Variants in RNF8 observed in about 807,000 individuals in gnomAD.
RNF8 encodes E3 ubiquitin-protein ligase RNF8.
RNF8 carries 8 observed loss-of-function variants against 59.3 expected under a neutral mutation model. That is an observed-to-expected ratio of 0.13 (90% CI 0.08 to 0.24). The LOEUF (loss-of-function observed/expected upper bound fraction) is 0.24, where lower values mean the gene tolerates loss of function less well. Ranked by LOEUF, RNF8 falls within the 10% of genes least tolerant of loss-of-function variation. The pLI, the probability that RNF8 is intolerant of heterozygous loss-of-function variation, is 1.00. For missense variants in RNF8, 406 were observed against 572.6 expected, an observed-to-expected ratio of 0.71 and a Z score of 2.97; for synonymous variants, 162 against 200.0, an observed-to-expected ratio of 0.81 and a Z score of 1.60.
chr6:37,376,164 G>C (rs963489441), intron 5 of RNF8, among the ~76,000 whole-genome samples: 38 of 152,156 alleles, frequency 2.5e-4, no homozygotes, highest in African/African-American at 8.9e-4. Flanking sequence ...CTTGTCCAGT[G>C]AGTTTTTAAT....
intron 6 of RNF8, among the ~76,000 whole-genome samples, chr6:37,379,568 A>G (rs1770167508): frequency 6.6e-6 from 1 of 152,196 alleles, no homozygotes; most frequent in Non-Finnish European, 1.5e-5. Flanking sequence ...TCAGGCAGAA[A>G]TTGACCAGAG....
chr6:37,366,201 T>G (rs1322892523), intron 2 of RNF8, among the ~76,000 whole-genome samples: 1 of 152,212 alleles, frequency 6.6e-6, no homozygotes, highest in East Asian at 1.9e-4. Flanking sequence ...CTGTGGGCTG[T>G]TTCTGTAATC....
chr6:37,385,741 A>G (rs748979657), intron 7 of RNF8, among the ~76,000 whole-genome samples: 1 of 152,088 alleles, frequency 6.6e-6, no homozygotes, highest in Non-Finnish European at 1.5e-5. Context: ...TAATTTCTCT[A>G]TCACCACTTC....
In RNF8 at chr6:37,377,041, TG is replaced by T; in HGVS notation, c.1236+9del. ...TCAGAATACTTCATTGAGGTAATTA[TG>T]AACAGTTGCTCACCCCTTCTTTTTT... On this transcript the variant is annotated intron_variant, in intron 6 of 7. Transcript: ENST00000373479. The T allele has an allele frequency of 7.6e-7, 1 of 1,314,524 alleles. No homozygotes were observed. Among genetic ancestry groups the T allele is most frequent in the Non-Finnish European group, 1.1e-6 (1 of 914,124 alleles). The allele number at this position is 1,314,524 out of a possible 1,614,324, so 81.4% of individuals were successfully genotyped here. A position where few individuals can be genotyped will look rare whatever the true frequency, so the allele number is the denominator to read the frequency against.
At chr6:37,377,562 G>A (rs1282283618) in intron 6 of RNF8, among the ~76,000 whole-genome samples, 2 of 151,816 alleles carry the variant, frequency 1.3e-5, no homozygotes, top group Admixed American at 6.6e-5. Flanking sequence ...TCCTTTTTTG[G>A]CATTTCATCT....
chr6:37,380,597 G>A (rs1770213181), intron 6 of RNF8, among the ~76,000 whole-genome samples: 1 of 150,628 alleles, frequency 6.6e-6, no homozygotes, highest in Non-Finnish European at 1.5e-5. Context: ...CGTGAACCCA[G>A]GAGGCGGAGT....
Position 37,369,081 on chromosome 6 carries a change from G to A in RNF8, c.838G>A (p.Gly280Arg). Reference protein sequence around the residue: ...VMNVKKQTQKGNSKKVVQMEQ... With the variant: ...VMNVKKQTQKRNSKKVVQMEQ... ...GAATGTGAAAAAGCAGACCCAAAAGGGGAACTCAAAGAAAGTTGTGCAAAT... is the reference window on the plus strand; with the variant it reads ...GAATGTGAAAAAGCAGACCCAAAAGAGGAACTCAAAGAAAGTTGTGCAAAT... Residue 280 changes from glycine (G) to arginine (R), a missense_variant, in exon 3 of 8, where the codon GGG (glycine) becomes AGG (arginine). Gly to Arg is a moderately radical substitution (Grantham distance 125, BLOSUM62 -2). Coordinates refer to ENST00000373479, the MANE Select transcript of RNF8 (RefSeq NM_003958.4). 6.2e-7 allele frequency: 1 copy of A among 1,614,178 alleles called. No individual in the cohort carries two copies. Among genetic ancestry groups the A allele is most frequent in the Non-Finnish European group, 8.5e-7 (1 of 1,180,032 alleles).
Position 37,354,370 on chromosome 6 carries a change from G to A in RNF8, c.111+95G>A. Reference sequence around the variant, plus strand: ...AGGTGTCTTGCTGGGCTGAATGAATGGCAGAGAGGAGGCGGGCATCAGGAA... The same window carrying A: ...AGGTGTCTTGCTGGGCTGAATGAATAGCAGAGAGGAGGCGGGCATCAGGAA... On this transcript the variant is annotated intron_variant, in intron 1 of 7. Transcript: ENST00000373479. 3 of 969,270 alleles carry A rather than the reference G, an allele frequency of 3.1e-6. 1 individual carries two copies. Among genetic ancestry groups the A allele is most frequent in the South Asian group, 3.3e-5 (2 of 60,178 alleles). 60.0% of individuals were successfully genotyped at this position (969,270 alleles called of 1,614,324 possible).
At chr6:37,354,888 C>T (rs1769055410) in intron 1 of RNF8, among the ~76,000 whole-genome samples, 1 of 152,176 alleles carries the variant, frequency 6.6e-6, no homozygotes. Flanking sequence ...TGGGTTTTGT[C>T]CCTTAAAGCA....
In RNF8 at chr6:37,393,648, T is replaced by C. The variant is rs1427712539; in HGVS notation, c.*2890T>C. 6.6e-6 allele frequency: 1 copy of C among 152,216 alleles called. No homozygotes were observed. The highest frequency in any genetic ancestry group is 1.5e-5 in the Non-Finnish European group (1 of 68,048). 9.4% of individuals were successfully genotyped at this position (152,216 alleles called of 1,614,324 possible). On this transcript the variant is annotated 3_prime_UTR_variant, in exon 8 of 8. Coordinates refer to ENST00000373479, the MANE Select transcript of RNF8 (RefSeq NM_003958.4). ...GAAGCACTTTGCAGTGAATGGCAGG[T>C]GTCCCATATCTGGTTATGTTAACCT...
intron 7 of RNF8, among the ~76,000 whole-genome samples, chr6:37,386,536 A>G (rs1297858610): frequency 6.6e-6 from 1 of 152,200 alleles, no homozygotes; most frequent in African/African-American, 2.4e-5. Flanking sequence ...TGAGGGAACC[A>G]TGCATGCCAG....
In RNF8 at chr6:37,360,271, T is replaced by C. The variant is rs544821169; in HGVS notation, c.112-175T>C. Among the ~76,000 whole-genome samples the C allele has an allele frequency of 6.6e-6, 1 of 152,312 alleles. No individual in the cohort carries two copies. Among genetic ancestry groups the C allele is most frequent in the East Asian group, 1.9e-4 (1 of 5,182 alleles). On this transcript the variant is annotated intron_variant, in intron 1 of 7. Coordinates refer to ENST00000373479, the MANE Select transcript of RNF8 (RefSeq NM_003958.4). The surrounding 1 kb of genome is among the most constrained non-coding windows in gnomAD (Gnocchi z 4.2). Reference sequence around the variant, plus strand: ...GTCACAACCGTTTGCCTTTTTCTACTTGGTGGTTCTCAAGACAGCTGAAGA... The same window carrying C: ...GTCACAACCGTTTGCCTTTTTCTACCTGGTGGTTCTCAAGACAGCTGAAGA...
chr6:37,360,653 G>A lies in RNF8; in HGVS notation c.240+79G>A. The stretch of plus-strand genomic sequence containing the variant: ...TTTTTTTTTTGCATAGGTAATTCAT[G>A]GTATAAAATTCAAAAGTATAACTTC... On this transcript the variant is annotated intron_variant, in intron 2 of 7. Coordinates refer to ENST00000373479, the MANE Select transcript of RNF8 (RefSeq NM_003958.4). The surrounding 1 kb of genome is among the most constrained non-coding windows in gnomAD (Gnocchi z 4.2). The A allele has an allele frequency of 7.2e-7, 1 of 1,391,426 alleles. No individual in the cohort carries two copies. 86.2% of individuals were successfully genotyped at this position (1,391,426 alleles called of 1,614,324 possible).
chr6:37,385,074 C>T lies in RNF8; in HGVS notation c.1441+3720C>T, dbSNP rs1770436717. Among the ~76,000 whole-genome samples, 3 of 151,616 alleles carry T rather than the reference C, an allele frequency of 2.0e-5. No homozygotes were observed. In the South Asian group the frequency reaches 6.2e-4, roughly 32 times the overall value. On this transcript the variant is annotated intron_variant, in intron 7 of 7. Transcript: ENST00000373479. ...TGTTGCCCAGGCTGGAGTGCAATGG[C>T]GCGATCTCGGCTTACCACAACCTCC...
chr6:37,385,855 A>AT (rs771282241), intron 7 of RNF8, among the ~76,000 whole-genome samples: 13,152 of 117,114 alleles, frequency 0.11, 1,682 homozygotes, highest in African/African-American at 0.33. Flanking sequence ...TTCCTTTGTC[A>AT]TTTTTTTTTT....
intron 3 of RNF8, among the ~76,000 whole-genome samples, chr6:37,371,218 A>G (rs1365593498): frequency 6.6e-6 from 1 of 152,182 alleles, no homozygotes; most frequent in Non-Finnish European, 1.5e-5. Flanking sequence ...CCTTTTGGGA[A>G]TCATGGCGTT....
intron 7 of RNF8, among the ~76,000 whole-genome samples, chr6:37,385,135 T>G (rs1291061791): frequency 2.0e-5 from 3 of 151,558 alleles, no homozygotes; most frequent in African/African-American, 7.3e-5. Context: ...TGCCTCACCC[T>G]CCCAAGTAGC....
Position 37,391,159 on chromosome 6 carries a change from A to G in RNF8, c.*401A>G, listed in dbSNP as rs939295444. 2.1e-5 allele frequency: 6 copies of G among 279,088 alleles called. No homozygotes were observed. In the Admixed American group the frequency reaches 2.5e-4, roughly 12 times the overall value. 17.3% of individuals were successfully genotyped at this position (279,088 alleles called of 1,614,324 possible). On this transcript the variant is annotated 3_prime_UTR_variant, in exon 8 of 8. Transcript: ENST00000373479. ...ATGGCTGCCTCTGAAGGCAGTGTCT[A>G]TTTTGAGAGGATGGCTTACCTCTTC...
chr6:37,367,611 C>T (rs1769613626), intron 2 of RNF8, among the ~76,000 whole-genome samples: 1 of 152,098 alleles, frequency 6.6e-6, no homozygotes, highest in African/African-American at 2.4e-5. Flanking sequence ...ACTGTGTTGG[C>T]CAGGGTGGTC....
Sources: gnomAD v4.1 joint callset for allele counts (sites outside exome capture counted in the v4.1 genomes callset) on GRCh38, gnomAD v4.1.1 for gene constraint, Gnocchi (gnomAD v3.1) non-coding constraint, MANE v1.5 for transcripts, NCBI Gene and HGNC (gene_info 2026-07-23, HGNC 2026-07-21) for gene names.